EDA: variants seen among roughly 807,000 people sequenced by gnomAD.
EDA encodes ectodysplasin-A.
EDA carries 2 observed loss-of-function variants against 23.6 expected under a neutral mutation model. The observed-to-expected ratio is 0.08, with a 90% CI of 0.03 to 0.27. The LOEUF (loss-of-function observed/expected upper bound fraction) is 0.27. EDA is among the 10% of genes least tolerant of loss of function. The pLI is 1.00. For missense variants in EDA, 229 were observed against 324.2 expected, an observed-to-expected ratio of 0.71 and a Z score of 2.26; for synonymous variants, 131 against 132.0, an observed-to-expected ratio of 0.99 and a Z score of 0.05.
chrX:69,694,969 T>C (rs2011283118), intron 1 of EDA, among the ~76,000 whole-genome samples: 1 of 112,190 alleles, frequency 8.9e-6, no homozygotes, highest in African/African-American at 3.2e-5. Flanking sequence ...CAAAGTTAAT[T>C]CAAAGTCAAG....
At chrX:69,990,354 C>G (rs895653519) in intron 2 of EDA, among the ~76,000 whole-genome samples, 2 of 110,818 alleles carry the variant, frequency 1.8e-5, no homozygotes, top group Non-Finnish European at 3.8e-5. Flanking sequence ...GGACTTCCAG[C>G]TACCTGTAAC....
chrX:70,005,270 G>T (rs933028309), intron 2 of EDA, among the ~76,000 whole-genome samples: 11 of 111,957 alleles, frequency 9.8e-5, no homozygotes, highest in African/African-American at 3.2e-4. Flanking sequence ...ACAGTTTTTT[G>T]AAACTATTAT....
chrX:69,789,519 A>G (rs16989179), intron 1 of EDA, among the ~76,000 whole-genome samples: 1,737 of 112,077 alleles, frequency 0.015, 46 homozygotes, highest in African/African-American at 0.052. Context: ...TTTCATCCGT[A>G]TCCACGGTCA....
chrX:69,668,898 G>A (rs777847957), intron 1 of EDA, among the ~76,000 whole-genome samples: 1 of 111,837 alleles, frequency 8.9e-6, no homozygotes, highest in South Asian at 3.8e-4. Flanking sequence ...TATTGCTATC[G>A]ATTTCTCCTT....
chrX:70,037,322 C>G lies in EDA; in HGVS notation c.*1713C>G, dbSNP rs1431564824. On this transcript the variant is annotated 3_prime_UTR_variant, in exon 8 of 8. Coordinates refer to ENST00000374552, the MANE Select transcript of EDA (RefSeq NM_001399.5). The stretch of plus-strand genomic sequence containing the variant: ...GGTGAGACGTGATGGGCTAGGCCTC[C>G]GTTGTCTGGTTGCTAATGACAGCCT... 9.0e-6 allele frequency: 1 copy of G among 111,721 alleles called. No homozygotes were observed. Among genetic ancestry groups the G allele is most frequent in the East Asian group, 2.8e-4 (1 of 3,528 alleles). The allele number at this position is 111,721 out of a possible 1,213,427, so 9.2% of individuals were successfully genotyped here.
intron 1 of EDA, among the ~76,000 whole-genome samples, chrX:69,774,887 T>C (rs1252860479): frequency 9.0e-6 from 1 of 111,434 alleles, no homozygotes; most frequent in Non-Finnish European, 1.9e-5. Context: ...TTCAAATTAT[T>C]ATTATATTTG....
chrX:69,942,391 C>T (rs2018771703), intron 1 of EDA, among the ~76,000 whole-genome samples: 2 of 111,337 alleles, frequency 1.8e-5, no homozygotes, highest in South Asian at 7.5e-4. Flanking sequence ...GTTGAAATCC[C>T]TCAGCTTTTG....
At chrX:70,024,980 C>A (rs1235349765) in intron 3 of EDA, among the ~76,000 whole-genome samples, 1 of 111,949 alleles carries the variant, frequency 8.9e-6, no homozygotes, top group East Asian at 2.8e-4. Flanking sequence ...AGTCAATCCT[C>A]TGAAGTTATC....
chrX:69,996,729 A>G (rs765670471), intron 2 of EDA, among the ~76,000 whole-genome samples: 1 of 111,752 alleles, frequency 8.9e-6, no homozygotes, highest in African/African-American at 3.3e-5. Flanking sequence ...CCCCACCCAA[A>G]TCTCATCTTG....
At chrX:69,889,879 C>A (rs763660442) in intron 1 of EDA, among the ~76,000 whole-genome samples, 37 of 111,593 alleles carry the variant, frequency 3.3e-4, no homozygotes, top group Admixed American at 7.6e-4. Context: ...CATGAGACTT[C>A]ATATCTGTTT....
At chrX:69,760,426 GCTCT>G (rs1052134126) in intron 1 of EDA, among the ~76,000 whole-genome samples, 4 of 111,146 alleles carry the variant, frequency 3.6e-5, no homozygotes, top group South Asian at 7.6e-4. Flanking sequence ...CCCACAAAGG[GCTCT>G]CTATTTTCCT....
intron 1 of EDA, among the ~76,000 whole-genome samples, chrX:69,846,190 G>A (rs1204252508): frequency 8.9e-6 from 1 of 112,597 alleles, no homozygotes; most frequent in African/African-American, 3.2e-5. Context: ...TTCAAATTAA[G>A]TTTTTAAATA....
intron 1 of EDA, among the ~76,000 whole-genome samples, chrX:69,668,560 A>C: frequency 8.9e-6 from 1 of 111,744 alleles, no homozygotes; most frequent in East Asian, 2.8e-4. Flanking sequence ...CCATTGAAGA[A>C]AGTGAGATAC....
intron 1 of EDA, among the ~76,000 whole-genome samples, chrX:69,764,693 T>C (rs1326129413): frequency 8.9e-6 from 1 of 111,837 alleles, no homozygotes; most frequent in Non-Finnish European, 1.9e-5. Context: ...TTACCTTTCT[T>C]CATTGATGCT....
Position 69,957,054 on chromosome X carries a change from G to A in EDA, c.424G>A (p.Asp142Asn). The A allele has an allele frequency of 1.7e-6, 2 of 1,211,305 alleles. No individual in the cohort carries two copies. Among genetic ancestry groups the A allele is most frequent in the Non-Finnish European group, 2.2e-6 (2 of 895,242 alleles). ...QMALLNFFFP[D>N]EKPYSEEESR... ...GGCCCTATTGAATTTCTTCTTCCCT[G>A]ATGAAAAGCCATACTCTGAAGAAGA... Residue 142 changes from aspartate to asparagine, a missense_variant, in exon 2 of 8, where the codon GAT becomes AAT. Physicochemically the swap from Asp to Asn is conservative, Grantham distance 23 (BLOSUM62 1). Transcript: ENST00000374552.
chrX:70,018,731 AC>A (rs1237856952), intron 2 of EDA, among the ~76,000 whole-genome samples: 2 of 111,475 alleles, frequency 1.8e-5, no homozygotes, highest in Non-Finnish European at 3.8e-5. Context: ...AACTATAAAA[AC>A]CCTTGAGGAA....
At chrX:69,666,079 ATTGT>A (rs1265598431) in intron 1 of EDA, among the ~76,000 whole-genome samples, 47 of 111,273 alleles carry the variant, frequency 4.2e-4, no homozygotes, top group African/African-American at 1.5e-3. Flanking sequence ...CATAAATGGG[ATTGT>A]TTATTTCTTT....
intron 1 of EDA, among the ~76,000 whole-genome samples, chrX:69,624,154 CTT>C (rs1457000901): frequency 8.9e-6 from 1 of 111,916 alleles, no homozygotes; most frequent in East Asian, 2.8e-4. Flanking sequence ...TTTCCTGTGA[CTT>C]AACTTCCAAT....
chrX:69,655,480 A>G (rs1381537343), intron 1 of EDA, among the ~76,000 whole-genome samples: 1 of 109,514 alleles, frequency 9.1e-6, no homozygotes. Flanking sequence ...GATTGTGTCC[A>G]GAAGGTATCA....
Sources: allele counts gnomAD v4.1 joint callset (sites outside exome capture counted in the v4.1 genomes callset), GRCh38; gene constraint gnomAD v4.1.1; transcripts MANE v1.5; gene names NCBI Gene and HGNC (gene_info 2026-07-23, HGNC 2026-07-21).